HM13: variants seen among roughly 807,000 people sequenced by gnomAD.
HM13 encodes the protein signal peptide peptidase.
In HM13, 18 loss-of-function variants were observed where a neutral mutation model predicts 50.0. That is an observed-to-expected ratio of 0.36 (90% CI 0.25 to 0.53). HM13 has a LOEUF of 0.53. HM13 is among the 20% of genes least tolerant of loss of function. The pLI is 0.90. For synonymous variants in HM13, 197 were observed against 232.6 expected (o/e 0.85, Z 1.39); for missense variants, 393 against 552.4 (o/e 0.71, Z 2.89).
intron 1 of HM13, among the ~76,000 whole-genome samples, chr20:31,517,677 G>A (rs1365631649): frequency 2.0e-5 from 3 of 152,190 alleles, no homozygotes; most frequent in Non-Finnish European, 4.4e-5. Context: ...TGTGTTCAGG[G>A]AGGCAGTGAA....
intron 9 of HM13, among the ~76,000 whole-genome samples, chr20:31,560,147 G>C (rs148257612): frequency 1.4e-4 from 22 of 152,336 alleles, no homozygotes; most frequent in African/African-American, 5.1e-4. Flanking sequence ...TTTTCAGTCT[G>C]TTGTAGACAG....
At chr20:31,565,719 C>T (rs1315403809) in intron 10 of HM13, among the ~76,000 whole-genome samples, 1 of 152,098 alleles carries the variant, frequency 6.6e-6, no homozygotes, top group East Asian at 1.9e-4. Context: ...ACAGACATGC[C>T]AAATTGCTTG....
At chr20:31,566,947 T>C (rs1407401584) in intron 11 of HM13, among the ~76,000 whole-genome samples, 1 of 152,076 alleles carries the variant, frequency 6.6e-6, no homozygotes, top group Non-Finnish European at 1.5e-5. Context: ...TAGAAATAGC[T>C]GTCAGTTGCG....
At chr20:31,529,216 G>T (rs1455898652) in intron 2 of HM13, among the ~76,000 whole-genome samples, 1 of 151,750 alleles carries the variant, frequency 6.6e-6, no homozygotes, top group Non-Finnish European at 1.5e-5. Flanking sequence ...GATTACAGAT[G>T]TAAGCCACTA....
intron 4 of HM13, 63 bp from the exon 5 acceptor site, chr20:31,548,966 G>A: frequency 7.1e-7 from 1 of 1,402,186 alleles, no homozygotes; most frequent in Admixed American, 1.7e-5. Flanking sequence ...TCCGTCCAGG[G>A]GCTGACAGGT....
At chr20:31,568,013 C>G in intron 11 of HM13, 65 bp from the exon 12 acceptor site, 1 of 1,364,912 alleles carries the variant, frequency 7.3e-7, no homozygotes, top group Non-Finnish European at 1.0e-6. Flanking sequence ...AAGGAAGTCT[C>G]TGTCCTCCCT....
At chr20:31,524,752 C>G (rs1477989683) in intron 1 of HM13, among the ~76,000 whole-genome samples, 1 of 138,084 alleles carries the variant, frequency 7.2e-6, no homozygotes, top group African/African-American at 2.7e-5. Context: ...CTCGCTCTGT[C>G]GCCCAGGCTG....
At chr20:31,563,503 T>C (rs1352764316) in intron 10 of HM13, 1 of 152,090 alleles carries the variant, frequency 6.6e-6, no homozygotes, top group African/African-American at 2.4e-5. Context: ...TTTATATTTT[T>C]AGTAGAGACA....
chr20:31,514,818 C>T lies in HM13; in HGVS notation c.183+84C>T. The T allele has an allele frequency of 6.3e-6, 8 of 1,268,294 alleles. No homozygotes were observed. The highest frequency in any genetic ancestry group is 6.0e-5 in the South Asian group (4 of 66,320). The allele number at this position is 1,268,294 out of a possible 1,614,324, so 78.6% of individuals were successfully genotyped here. On this transcript the variant is annotated intron_variant, in intron 1 of 12. Transcript: ENST00000398174. The surrounding 1 kb of genome is among the most constrained non-coding windows in gnomAD (Gnocchi z 4.3). ...GACCCTTCCTAGGCGGGACAGACACCTCTCCCCGGACACTGACTCTTCCCA... is the reference window on the plus strand; with the variant it reads ...GACCCTTCCTAGGCGGGACAGACACTTCTCCCCGGACACTGACTCTTCCCA...
chr20:31,554,938 T>C, intron 8 of HM13, 109 bp downstream of exon 8: 1 of 967,770 alleles, frequency 1.0e-6, no homozygotes, highest in Non-Finnish European at 1.6e-6. Flanking sequence ...AGAGAAAAGG[T>C]AAGGCTGGAT....
intron 1 of HM13, among the ~76,000 whole-genome samples, chr20:31,521,417 G>A (rs970996207): frequency 1.3e-5 from 2 of 152,104 alleles, no homozygotes; most frequent in African/African-American, 4.8e-5. Context: ...TTCCTCATCT[G>A]TAAAAGAGCT....
At chr20:31,519,547 T>A (rs542544706) in intron 1 of HM13, among the ~76,000 whole-genome samples, 9 of 152,312 alleles carry the variant, frequency 5.9e-5, no homozygotes, top group Non-Finnish European at 1.3e-4. Context: ...AGTTCTCTAG[T>A]ATCTGGTCCC....
intron 7 of HM13, 79 bp downstream of exon 7, chr20:31,550,200 G>A: frequency 9.8e-7 from 1 of 1,016,264 alleles, no homozygotes; most frequent in East Asian, 2.4e-5. Flanking sequence ...TTCAGTCAGT[G>A]CATCTCCCTA....
At chr20:31,561,249 C>G (rs1984591768) in intron 9 of HM13, among the ~76,000 whole-genome samples, 2 of 152,184 alleles carry the variant, frequency 1.3e-5, no homozygotes, top group South Asian at 4.1e-4. Flanking sequence ...GGGCCCTGCT[C>G]TAGAGCTATT....
rs956024734 is a variant in HM13 at position 31,550,006 on chromosome 20, A to G, written c.667-58A>G. On this transcript the variant is annotated intron_variant, in intron 6 of 12. Coordinates refer to ENST00000398174, the MANE Select transcript of HM13 (RefSeq NM_178581.3). ...CACATCTAGAAGCCCAGGGACAGCC[A>G]TTCTTCCCCCCACAGCCCCTCACTT... is the stretch of plus-strand genomic sequence containing the variant. 2.3e-6 allele frequency: 3 copies of G among 1,293,952 alleles called. No homozygotes were observed. In the African/African-American group the frequency reaches 4.4e-5, roughly 19 times the overall value. The allele number at this position is 1,293,952 out of a possible 1,614,324, so 80.2% of individuals were successfully genotyped here. A position where few individuals can be genotyped will look rare whatever the true frequency, so the allele number is the denominator to read the frequency against.
chr20:31,528,583 G>A (rs144384724), intron 2 of HM13, among the ~76,000 whole-genome samples: 1 of 152,124 alleles, frequency 6.6e-6, no homozygotes. Flanking sequence ...GGTTCAAGTG[G>A]TTCTCCTGCC....
chr20:31,555,679 A>G (rs1487238951), intron 8 of HM13, among the ~76,000 whole-genome samples: 1 of 152,040 alleles, frequency 6.6e-6, no homozygotes, highest in African/African-American at 2.4e-5. Flanking sequence ...TGCTTAAAAG[A>G]AGGTTTTAGC....
chr20:31,565,080 G>A (rs1984828854), intron 10 of HM13, among the ~76,000 whole-genome samples: 1 of 145,726 alleles, frequency 6.9e-6, no homozygotes, highest in Non-Finnish European at 1.5e-5. Flanking sequence ...GCAGAAGAAT[G>A]GTGTGAACCT....
At chr20:31,532,415 C>T (rs1044145185) in intron 2 of HM13, among the ~76,000 whole-genome samples, 1 of 152,176 alleles carries the variant, frequency 6.6e-6, no homozygotes, top group Admixed American at 6.5e-5. Flanking sequence ...CAGAGAGAGA[C>T]TCCATCTCAA....
Sources: gnomAD v4.1 joint callset for allele counts (sites outside exome capture counted in the v4.1 genomes callset) on GRCh38, gnomAD v4.1.1 for gene constraint, Gnocchi (gnomAD v3.1) non-coding constraint, MANE v1.5 for transcripts, NCBI Gene and HGNC (gene_info 2026-07-23, HGNC 2026-07-21) for gene names.